Variants in TNPO1 observed in about 807,000 individuals in gnomAD.
The protein encoded by TNPO1 is transportin-1.
A neutral mutation model predicts 119.5 loss-of-function variants in TNPO1; 8 were observed. The observed-to-expected ratio is 0.07, with a 90% CI of 0.04 to 0.12. TNPO1 has a LOEUF of 0.12. Ranked by LOEUF, TNPO1 falls within the 10% of genes least tolerant of loss-of-function variation. The pLI, the probability that TNPO1 is intolerant of heterozygous loss-of-function variation, is 1.00. For synonymous variants in TNPO1, 362 were observed against 363.0 expected, an observed-to-expected ratio of 1.00 and a Z score of 0.03; for missense variants, 576 against 1,089.8, an observed-to-expected ratio of 0.53 and a Z score of 6.64.
intron 1 of TNPO1, chr5:72,817,099 C>A: frequency 2.9e-6 from 1 of 348,898 alleles, no homozygotes. Flanking sequence ...TTTGAGGGCC[C>A]TTGAGTGCTG....
At chr5:72,906,275 C>CTTTTCTTTTTTTTTTTT (rs1750152401) in intron 24 of TNPO1, among the ~76,000 whole-genome samples, 2 of 54,674 alleles carry the variant, frequency 3.7e-5, no homozygotes, top group African/African-American at 1.4e-4. Flanking sequence ...TTTTTTTTTT[C>CTTTTCTTTTTTTTTTTT]TTTTTTTTTT....
chr5:72,906,275 CTTTTTTTT>C (rs869051297), intron 24 of TNPO1, among the ~76,000 whole-genome samples: 4,565 of 54,602 alleles, frequency 0.084, 921 homozygotes, highest in Non-Finnish European at 0.1. Context: ...TTTTTTTTTT[CTTTTTTTT>C]TTTTTTTTTT....
chr5:72,829,592 T>C (rs1744357513), intron 1 of TNPO1, among the ~76,000 whole-genome samples: 1 of 152,230 alleles, frequency 6.6e-6, no homozygotes, highest in Non-Finnish European at 1.5e-5. Context: ...TAAGAAGTAA[T>C]GCCAGCTTTT....
chr5:72,868,574 C>G (rs1267558862), intron 6 of TNPO1, among the ~76,000 whole-genome samples: 1 of 151,864 alleles, frequency 6.6e-6, no homozygotes, highest in African/African-American at 2.4e-5. Context: ...TCCCTTCTCC[C>G]CATCAGTTTA....
In TNPO1 at chr5:72,883,166, A is replaced by G. The variant is rs1323891895; in HGVS notation, c.1084A>G (p.Ile362Val). ...TVAQQHDEDGIEEEDDDDDEI... is the reference protein window; with the variant it reads ...TVAQQHDEDGVEEEDDDDDEI... ...GGCTCAGCAGCATGATGAAGATGGA[A>G]TTGAAGAGGAAGATGATGATGATGA... is the stretch of plus-strand genomic sequence containing the variant. Residue 362 changes from isoleucine to valine, a missense_variant, in exon 11 of 25, where the codon ATT becomes GTT. By Grantham distance (29) the Ile-to-Val change is conservative. This residue lies in a region of TNPO1 where 310 missense variants were observed against 583.0 expected (regional missense o/e 0.53). Transcript: ENST00000337273. 1 of 1,610,568 alleles carries G rather than the reference A, an allele frequency of 6.2e-7. No homozygotes were observed. Among genetic ancestry groups the G allele is most frequent in the East Asian group, 2.2e-5 (1 of 44,874 alleles).
At position 72,913,419 on chromosome 5, in the gene TNPO1, T is replaced by A. The variant is rs1284014887; in HGVS notation, c.*4746T>A. Reference sequence around the variant, plus strand: ...AATTACACAATTGTTCATTGTGGTTTGTATCCCAGAATGTGTTGTGTTTTT... The same window carrying A: ...AATTACACAATTGTTCATTGTGGTTAGTATCCCAGAATGTGTTGTGTTTTT... On this transcript the variant is annotated 3_prime_UTR_variant, in exon 25 of 25. Coordinates refer to ENST00000337273, the MANE Select transcript of TNPO1 (RefSeq NM_002270.4). 6.6e-6 allele frequency: 1 copy of A among 152,418 alleles called. No individual in the cohort carries two copies. The highest frequency in any genetic ancestry group is 1.5e-5 in the Non-Finnish European group (1 of 67,924). 9.4% of individuals were successfully genotyped at this position (152,418 alleles called of 1,614,324 possible).
chr5:72,817,488 A>G (rs1743752382), intron 1 of TNPO1, among the ~76,000 whole-genome samples: 1 of 152,212 alleles, frequency 6.6e-6, no homozygotes, highest in Admixed American at 6.5e-5. Context: ...CGTGTTGCTT[A>G]CTGATTTTAA....
At chr5:72,848,090 G>C (rs1393608084) in intron 1 of TNPO1, 1 of 1,096,000 alleles carries the variant, frequency 9.1e-7, no homozygotes, top group East Asian at 6.5e-5. Context: ...TCCCGTGAGC[G>C]GATCTTGGGG....
chr5:72,877,831 A>C (rs1384054761), intron 9 of TNPO1, among the ~76,000 whole-genome samples: 1 of 152,164 alleles, frequency 6.6e-6, no homozygotes, highest in African/African-American at 2.4e-5. Context: ...CACCACCCTG[A>C]GTAATCACTG....
intron 6 of TNPO1, chr5:72,871,998 G>T (rs955995384): frequency 1.3e-5 from 2 of 152,158 alleles, no homozygotes; most frequent in African/African-American, 4.8e-5. Flanking sequence ...TTGACCTTTT[G>T]TAGAAAAAGT....
chr5:72,848,527 C>G (rs747285032), intron 2 of TNPO1, 29 bp downstream of exon 2: 2 of 1,449,564 alleles, frequency 1.4e-6, no homozygotes, highest in Admixed American at 4.2e-5. Context: ...GGCCGCCACC[C>G]GCGCAGCTCG....
At chr5:72,860,439 A>T (rs574149748) in intron 4 of TNPO1, among the ~76,000 whole-genome samples, 7 of 152,190 alleles carry the variant, frequency 4.6e-5, no homozygotes, top group Non-Finnish European at 1.0e-4. Context: ...TTAACACGAA[A>T]CCTTTCTGTT....
Position 72,816,827 on chromosome 5 carries a change from G to A in TNPO1, c.15+75G>A, listed in dbSNP as rs1743712821. ...GGCTGGGAGCGCCGAGCTGCCTGAC[G>A]CGCCTACGGGAGAGACGCCGGGCTC... is the stretch of plus-strand genomic sequence containing the variant. On this transcript the variant is annotated intron_variant, in intron 1 of 24. Coordinates refer to ENST00000337273, the MANE Select transcript of TNPO1 (RefSeq NM_002270.4). 2.7e-6 allele frequency: 4 copies of A among 1,504,172 alleles called. No homozygotes were observed. In the South Asian group the frequency reaches 5.0e-5, roughly 19 times the overall value. 93.2% of individuals were successfully genotyped at this position (1,504,172 alleles called of 1,614,324 possible). A position where few individuals can be genotyped will look rare whatever the true frequency, so the allele number is the denominator to read the frequency against.
At chr5:72,865,549 G>A in intron 5 of TNPO1, 47 bp from the exon 6 acceptor site, 2 of 1,598,500 alleles carry the variant, frequency 1.3e-6, no homozygotes, top group East Asian at 2.2e-5. Context: ...GTTTTCAAAT[G>A]GCTTCATTTT....
chr5:72,896,455 T>C lies in TNPO1; in HGVS notation c.2144-3T>C, dbSNP rs1425025042. On this transcript the variant is annotated splice_region_variant and splice_polypyrimidine_tract_variant and intron_variant, in intron 18 of 24. Transcript: ENST00000337273. The stretch of plus-strand genomic sequence containing the variant: ...TACTACATAGTTTAAATTTTTTTTC[T>C]AGCTGATTTCATGCCAATATTGGGA... The C allele has an allele frequency of 6.2e-7, 1 of 1,610,920 alleles. No homozygotes were observed. Among genetic ancestry groups the C allele is most frequent in the Admixed American group, 1.7e-5 (1 of 59,818 alleles).
rs905545243 is a variant in TNPO1, at chr5:72,913,670, A to AT, written c.*4999dup. On this transcript the variant is annotated 3_prime_UTR_variant, in exon 25 of 25. Coordinates refer to ENST00000337273, the MANE Select transcript of TNPO1 (RefSeq NM_002270.4). The stretch of plus-strand genomic sequence containing the variant: ...ATTCAAGATTAGCTATTTCGCTGGT[A>AT]TTACATCTTTTTAAAAGCCTATTAT... 1 of 152,506 alleles carries AT rather than the reference A, an allele frequency of 6.6e-6. No homozygotes were observed. The highest frequency in any genetic ancestry group is 1.5e-5 in the Non-Finnish European group (1 of 67,942). The allele number at this position is 152,506 out of a possible 1,614,324, so 9.4% of individuals were successfully genotyped here.
At chr5:72,856,829 C>G (rs1167698817) in intron 4 of TNPO1, among the ~76,000 whole-genome samples, 1 of 152,126 alleles carries the variant, frequency 6.6e-6, no homozygotes, top group Non-Finnish European at 1.5e-5. Context: ...GAAACACACA[C>G]AACTGGCTAT....
chr5:72,817,926 A>G (rs1457057139), intron 1 of TNPO1, among the ~76,000 whole-genome samples: 1 of 152,180 alleles, frequency 6.6e-6, no homozygotes, highest in Non-Finnish European at 1.5e-5. Context: ...TTTTTGGGAA[A>G]GGATCTGTTT....
At chr5:72,852,065 C>T (rs992215577) in intron 3 of TNPO1, among the ~76,000 whole-genome samples, 1 of 152,166 alleles carries the variant, frequency 6.6e-6, no homozygotes, top group African/African-American at 2.4e-5. Context: ...ATATCCTTCT[C>T]TGCTCTTATA....
Sources: gnomAD v4.1 joint callset for allele counts (sites outside exome capture counted in the v4.1 genomes callset) on GRCh38, gnomAD v4.1.1 for gene constraint, gnomAD v4.1.1 regional missense constraint, MANE v1.5 for transcripts, NCBI Gene and HGNC (gene_info 2026-07-23, HGNC 2026-07-21) for gene names.